NLRP1: variants seen among roughly 807,000 people sequenced by gnomAD.
NLRP1 encodes NLR family pyrin domain containing 1.
Under a neutral mutation model 136.7 loss-of-function variants are expected in NLRP1, and 94 were observed. That is an observed-to-expected ratio of 0.69 (90% confidence interval 0.58 to 0.82). The LOEUF is 0.82. NLRP1 is among the 40% of genes least tolerant of loss of function. NLRP1 has a pLI of 0.00. For synonymous variants in NLRP1, 690 were observed against 725.1 expected, an observed-to-expected ratio of 0.95 and a Z score of 0.78; for missense variants, 1,575 against 1,802.7, an observed-to-expected ratio of 0.87 and a Z score of 2.29.
intron 3 of NLRP1, among the ~76,000 whole-genome samples, chr17:5,561,160 G>A (rs1255972207): frequency 2.6e-5 from 4 of 152,130 alleles, no homozygotes; most frequent in Non-Finnish European, 5.9e-5. Flanking sequence ...AGGGTCAAGC[G>A]ATTCTCCTGC....
intron 7 of NLRP1, 47 bp downstream of exon 7, chr17:5,539,368 C>A: frequency 6.4e-7 from 1 of 1,550,684 alleles, no homozygotes; most frequent in African/African-American, 1.4e-5. Flanking sequence ...GTCCGATACC[C>A]CCCCAACCCT....
At chr17:5,555,017 T>TCTCACACA (rs1028827154) in intron 4 of NLRP1, among the ~76,000 whole-genome samples, 2 of 142,344 alleles carry the variant, frequency 1.4e-5, no homozygotes, top group African/African-American at 5.3e-5. Flanking sequence ...TGAGATCCCA[T>TCTCACACA]CACACACACA....
intron 3 of NLRP1, among the ~76,000 whole-genome samples, chr17:5,577,925 G>T (rs1310368679): frequency 6.6e-6 from 1 of 152,172 alleles, no homozygotes; most frequent in South Asian, 2.1e-4. Flanking sequence ...TAGACCAATG[G>T]AACAGAACAG....
At chr17:5,517,359 C>A (rs12150585) in intron 15 of NLRP1, among the ~76,000 whole-genome samples, 1 of 107,796 alleles carries the variant, frequency 9.3e-6, no homozygotes, top group African/African-American at 3.5e-5. Flanking sequence ...CACCCCCCCC[C>A]CTCCCACATA....
chr17:5,534,938 T>G (rs1252015098), intron 8 of NLRP1, among the ~76,000 whole-genome samples: 1 of 152,048 alleles, frequency 6.6e-6, no homozygotes, highest in Non-Finnish European at 1.5e-5. Flanking sequence ...AGACACAGAT[T>G]CAGCCGGGCG....
chr17:5,553,561 G>T lies in NLRP1; in HGVS notation c.2358-5C>A, dbSNP rs199738200. The T allele has an allele frequency of 1.2e-6, 2 of 1,612,678 alleles. No homozygotes were observed. Among genetic ancestry groups the T allele is most frequent in the South Asian group, 1.1e-5 (1 of 90,878 alleles). ...GTGACTGGGACCCACCTGAACCTGAGGGGGAGAGAGAAGGACAGGAGAGAT... is the reference window on the plus strand; with the variant it reads ...GTGACTGGGACCCACCTGAACCTGATGGGGAGAGAGAAGGACAGGAGAGAT... On this transcript the variant is annotated splice_region_variant and splice_polypyrimidine_tract_variant and intron_variant, in intron 4 of 16. Coordinates refer to ENST00000572272, the MANE Select transcript of NLRP1 (RefSeq NM_033004.4).
At chr17:5,538,939 G>A (rs1398784978) in intron 7 of NLRP1, among the ~76,000 whole-genome samples, 1 of 152,134 alleles carries the variant, frequency 6.6e-6, no homozygotes, top group African/African-American at 2.4e-5. Flanking sequence ...GGAGTGCAGT[G>A]CTGTGATCTA....
intron 5 of NLRP1, among the ~76,000 whole-genome samples, chr17:5,553,112 C>A (rs1424335607): frequency 2.6e-5 from 4 of 152,194 alleles, no homozygotes; most frequent in Non-Finnish European, 5.9e-5. Flanking sequence ...TTTGTACATG[C>A]TATTCTCTTT....
intron 3 of NLRP1, among the ~76,000 whole-genome samples, chr17:5,580,625 T>C (rs974709474): frequency 1.3e-5 from 2 of 152,210 alleles, no homozygotes; most frequent in South Asian, 4.1e-4. Flanking sequence ...AGGTAGTCTT[T>C]GTGGTTTTCA....
rs561393886 is a variant in NLRP1, at chr17:5,557,789, G to A, written c.2357+550C>T. Among the ~76,000 whole-genome samples, 153 of 152,294 alleles carry A rather than the reference G, an allele frequency of 1.0e-3. 1 individual carries two copies. Among genetic ancestry groups the A allele is most frequent in the Non-Finnish European group, 2.0e-3 (135 of 68,030 alleles). ...AGAGAGTGGGTTTCAGGTTGAGTGC[G>A]TGGGGCAATGGTGGCACCACGGTCA... On this transcript the variant is annotated intron_variant, in intron 4 of 16. Transcript: ENST00000572272.
rs201803660 is a variant in NLRP1 at position 5,530,587 on chromosome 17, C to T, written c.3414G>A (p.Glu1138=). The change falls in exon 12 of 17, where the codon GAG becomes GAA. Residue 1138 remains glutamate, a synonymous_variant. Transcript: ENST00000572272. ...EFCVWDQFLG[E]INPQHSWMVA... The stretch of plus-strand genomic sequence containing the variant: ...CCATCCAGCTGTGCTGTGGGTTGAT[C>T]TCACCCAGGAACTGGTCCCACACAC... 65 of 1,614,116 alleles carry T rather than the reference C, an allele frequency of 4.0e-5. No homozygotes were observed. The highest frequency in any genetic ancestry group is 5.3e-5 in the Non-Finnish European group (62 of 1,180,044).
intron 7 of NLRP1, among the ~76,000 whole-genome samples, chr17:5,538,147 C>T (rs1242978973): frequency 6.6e-6 from 1 of 152,214 alleles, no homozygotes; most frequent in Non-Finnish European, 1.5e-5. Flanking sequence ...CCCCTGTCTG[C>T]TCCCTGAGAT....
chr17:5,521,440 A>C (rs1464417022), intron 13 of NLRP1, 84 bp downstream of exon 13: 35 of 1,426,344 alleles, frequency 2.5e-5, no homozygotes, highest in Admixed American at 1.8e-4. Context: ...GTCCCAGTTG[A>C]AGACCCTCTA....
chr17:5,530,585 A>G lies in NLRP1; in HGVS notation c.3416T>C (p.Ile1139Thr). The change falls in exon 12 of 17, where the codon ATC (isoleucine) becomes ACC (threonine). Residue 1139 changes from isoleucine (I) to threonine (T), a missense_variant. Physicochemically the swap from Ile to Thr is moderately conservative, Grantham distance 89 (BLOSUM62 -1). Transcript: ENST00000572272. Reference sequence around the variant, plus strand: ...CACCATCCAGCTGTGCTGTGGGTTGATCTCACCCAGGAACTGGTCCCACAC... The same window carrying G: ...CACCATCCAGCTGTGCTGTGGGTTGGTCTCACCCAGGAACTGGTCCCACAC... ...FCVWDQFLGE[I>T]NPQHSWMVAG... 1 of 1,614,232 alleles carries G rather than the reference A, an allele frequency of 6.2e-7. No individual in the cohort carries two copies. Among genetic ancestry groups the G allele is most frequent in the Non-Finnish European group, 8.5e-7 (1 of 1,180,030 alleles).
intron 3 of NLRP1, among the ~76,000 whole-genome samples, chr17:5,575,807 T>C (rs574807196): frequency 1.3e-4 from 20 of 152,282 alleles, no homozygotes; most frequent in Middle Eastern, 3.4e-3. Flanking sequence ...CCACCCCAAA[T>C]CAACAGAATA....
At chr17:5,526,687 G>C (rs1159219432) in intron 12 of NLRP1, among the ~76,000 whole-genome samples, 1 of 152,186 alleles carries the variant, frequency 6.6e-6, no homozygotes, top group Non-Finnish European at 1.5e-5. Context: ...AGTCACACAG[G>C]GTCCTGAGCT....
At chr17:5,578,481 A>G (rs1597486886) in intron 3 of NLRP1, among the ~76,000 whole-genome samples, 3 of 152,258 alleles carry the variant, frequency 2.0e-5, no homozygotes, top group African/African-American at 7.2e-5. Flanking sequence ...AAAAGAAGAC[A>G]TTTATGTAGC....
chr17:5,507,862 G>C (rs553831266), intron 15 of NLRP1, among the ~76,000 whole-genome samples: 1 of 152,074 alleles, frequency 6.6e-6, no homozygotes, highest in Non-Finnish European at 1.5e-5. Context: ...GCGGCCAGGC[G>C]CAGTGGCTCA....
rs72827636 is a variant in NLRP1, at chr17:5,557,610, T to A, written c.2357+729A>T. 7.0e-3 allele frequency among the ~76,000 whole-genome samples: 1,070 copies of A among 152,328 alleles called. 10 individuals carry two copies. Among genetic ancestry groups the A allele is most frequent in the Middle Eastern group, 0.02 (6 of 294 alleles). On this transcript the variant is annotated intron_variant, in intron 4 of 16. Coordinates refer to ENST00000572272, the MANE Select transcript of NLRP1 (RefSeq NM_033004.4). ...GGCCTGGCATAGAATCAGTGCTTAATAAATACTTATGGAATGAATCATCTA... is the reference window on the plus strand; with the variant it reads ...GGCCTGGCATAGAATCAGTGCTTAAAAAATACTTATGGAATGAATCATCTA...
Sources: allele counts gnomAD v4.1 joint callset (sites outside exome capture counted in the v4.1 genomes callset), GRCh38; gene constraint gnomAD v4.1.1; transcripts MANE v1.5; gene names NCBI Gene and HGNC (gene_info 2026-07-23, HGNC 2026-07-21).